The following PHC2 variants were observed in gnomAD, a reference collection of about 807,000 sequenced individuals.
PHC2 encodes the protein polyhomeotic homolog 2, also known as polyhomeotic-like protein 2.
In PHC2, 29 loss-of-function variants were observed where a neutral mutation model predicts 87.4. The observed-to-expected ratio is 0.33, with a 90% CI of 0.25 to 0.45. The LOEUF (loss-of-function observed/expected upper bound fraction) is 0.45. Among genes scored for constraint, PHC2 ranks in the 20% least tolerant of loss-of-function variants. The pLI is 1.00. For missense variants in PHC2, 857 were observed against 1,136.7 expected, an observed-to-expected ratio of 0.75 and a Z score of 3.54; for synonymous variants, 438 against 461.7, an observed-to-expected ratio of 0.95 and a Z score of 0.66.
chr1:33,352,064 A>G (rs1646984485), intron 9 of PHC2, among the ~76,000 whole-genome samples: 1 of 151,866 alleles, frequency 6.6e-6, no homozygotes, highest in Non-Finnish European at 1.5e-5. Flanking sequence ...GGACCTCAAG[A>G]GGAGGATGCT....
At position 33,355,156 on chromosome 1, in the gene PHC2, C is replaced by T. The variant is rs773749730; in HGVS notation, c.1074G>A (p.Gln358=). The stretch of plus-strand genomic sequence containing the variant: ...GTGACTGCTGGGGCGGCGGCTGCTG[C>T]TGTTGTGGCTGTGGCTGCTGCTGGA... The part of the protein sequence containing the change: ...FVIQQQPQPQ[Q]QQPPPQQSRP... Residue 358 remains glutamine (Q), a synonymous_variant, in exon 8 of 15, where the codon CAG becomes CAA. Transcript: ENST00000683057. 3.7e-6 allele frequency: 6 copies of T among 1,608,116 alleles called. No individual in the cohort carries two copies. The highest frequency in any genetic ancestry group is 5.1e-6 in the Non-Finnish European group (6 of 1,178,672).
intron 1 of PHC2, among the ~76,000 whole-genome samples, chr1:33,387,434 G>T (rs139468222): frequency 8.3e-4 from 126 of 152,298 alleles, no homozygotes; most frequent in Non-Finnish European, 5.9e-5. Context: ...GACTGCCAGG[G>T]ATAGATGGGG....
intron 14 of PHC2, among the ~76,000 whole-genome samples, chr1:33,327,293 T>A (rs1209090496): frequency 6.6e-6 from 1 of 152,166 alleles, no homozygotes; most frequent in Non-Finnish European, 1.5e-5. Context: ...TTCTCAGATC[T>A]TCAGACTGAG....
chr1:33,363,768 T>C, intron 7 of PHC2: 1 of 985,008 alleles, frequency 1.0e-6, no homozygotes, highest in Non-Finnish European at 1.2e-6. Flanking sequence ...AAGCCTGGAG[T>C]TTATCCACTA....
At chr1:33,381,258 T>C (rs927136610) in intron 1 of PHC2, among the ~76,000 whole-genome samples, 2 of 152,170 alleles carry the variant, frequency 1.3e-5, no homozygotes, top group East Asian at 3.9e-4. Flanking sequence ...TGGGATCATG[T>C]CATATTTTCC....
intron 7 of PHC2, among the ~76,000 whole-genome samples, chr1:33,359,773 A>C (rs1345088268): frequency 6.6e-6 from 1 of 152,228 alleles, no homozygotes; most frequent in East Asian, 1.9e-4. Context: ...CATGATTCAG[A>C]GTTAGGAAGA....
intron 1 of PHC2, among the ~76,000 whole-genome samples, chr1:33,415,144 T>C (rs1181386748): frequency 1.3e-5 from 2 of 151,986 alleles, no homozygotes; most frequent in Non-Finnish European, 2.9e-5. Flanking sequence ...AGATTAGACA[T>C]CCAGGAGGGC....
intron 9 of PHC2, among the ~76,000 whole-genome samples, chr1:33,340,317 A>G (rs975797085): frequency 6.6e-6 from 1 of 152,222 alleles, no homozygotes; most frequent in African/African-American, 2.4e-5. Flanking sequence ...ACACTCTCCA[A>G]GCCCCCAGCA....
chr1:33,409,187 T>C (rs1649886659), intron 1 of PHC2, among the ~76,000 whole-genome samples: 1 of 152,214 alleles, frequency 6.6e-6, no homozygotes, highest in African/African-American at 2.4e-5. Flanking sequence ...TAATTCCATG[T>C]TTATTAATTT....
intron 1 of PHC2, among the ~76,000 whole-genome samples, chr1:33,377,111 T>C (rs1648225254): frequency 6.6e-6 from 1 of 152,220 alleles, no homozygotes; most frequent in South Asian, 2.1e-4. Flanking sequence ...CTTGGCTTTG[T>C]CCTGGCTCTG....
At chr1:33,405,928 CTG>C (rs1309093221) in intron 1 of PHC2, among the ~76,000 whole-genome samples, 1 of 152,164 alleles carries the variant, frequency 6.6e-6, no homozygotes, top group Non-Finnish European at 1.5e-5. Context: ...ACTTTTATAA[CTG>C]TTCCTTCCAT....
At chr1:33,380,461 G>A (rs974945916) in intron 1 of PHC2, among the ~76,000 whole-genome samples, 1 of 152,134 alleles carries the variant, frequency 6.6e-6, no homozygotes, top group Non-Finnish European at 1.5e-5. Context: ...GTTTCACTTA[G>A]CATAATGTTT....
rs1393784418 is a variant in PHC2, at chr1:33,351,001, C to T, written c.1558+3400G>A. 2.6e-5 allele frequency among the ~76,000 whole-genome samples: 4 copies of T among 152,190 alleles called. No individual in the cohort carries two copies. In the East Asian group the frequency reaches 7.7e-4, roughly 29 times the overall value. ...TTCCACCAGTTCTTCCTGGAATGCTCTTTCCTCAACTTTGCATGTCCAGGT... is the reference window on the plus strand; with the variant it reads ...TTCCACCAGTTCTTCCTGGAATGCTTTTTCCTCAACTTTGCATGTCCAGGT... On this transcript the variant is annotated intron_variant, in intron 9 of 14. Transcript: ENST00000683057.
rs74628637 is a variant in PHC2, at chr1:33,399,648, C to T, written c.-54-24055G>A. On this transcript the variant is annotated intron_variant, in intron 1 of 14. Transcript: ENST00000683057. ...ATGTTTCAGGACCATGACTCAAATC[C>T]ACTCTTTTGAAATTTCTATAGTAAG... 1.8e-3 allele frequency among the ~76,000 whole-genome samples: 270 copies of T among 152,212 alleles called. 1 individual carries two copies. The highest frequency in any genetic ancestry group is 3.4e-3 in the Admixed American group (52 of 15,284).
intron 9 of PHC2, among the ~76,000 whole-genome samples, chr1:33,352,814 G>A (rs1646998146): frequency 6.6e-6 from 1 of 152,192 alleles, no homozygotes; most frequent in South Asian, 2.1e-4. Context: ...AGTGACTACC[G>A]TAGGAGTCAG....
chr1:33,337,567 C>G (rs1646666250), intron 9 of PHC2, among the ~76,000 whole-genome samples: 1 of 152,088 alleles, frequency 6.6e-6, no homozygotes. Flanking sequence ...AATAAGGATC[C>G]TACGCCTACC....
intron 9 of PHC2, chr1:33,335,296 C>T (rs1030670438): frequency 3.0e-6 from 3 of 985,424 alleles, no homozygotes; most frequent in Non-Finnish European, 3.6e-6. Context: ...GCCCCCTTCC[C>T]AGGGCTGTTC....
chr1:33,422,750 TTC>T (rs954882427), intron 1 of PHC2, among the ~76,000 whole-genome samples: 2 of 152,178 alleles, frequency 1.3e-5, no homozygotes, highest in African/African-American at 4.8e-5. Flanking sequence ...AATTCTCATT[TTC>T]TCTCTCTCTT....
intron 1 of PHC2, among the ~76,000 whole-genome samples, chr1:33,416,927 T>C (rs1410229126): frequency 1.3e-5 from 2 of 152,106 alleles, no homozygotes; most frequent in Non-Finnish European, 2.9e-5. Flanking sequence ...TAAAAGATAA[T>C]TGACTACTTA....
Sources: allele counts gnomAD v4.1 joint callset (sites outside exome capture counted in the v4.1 genomes callset), GRCh38; gene constraint gnomAD v4.1.1; transcripts MANE v1.5; gene names NCBI Gene and HGNC (gene_info 2026-07-23, HGNC 2026-07-21).